CCDC171: variants seen among roughly 807,000 people sequenced by gnomAD.
CCDC171 encodes the protein coiled-coil domain containing 171.
In CCDC171, 177 loss-of-function variants were observed where a neutral mutation model predicts 168.2. The observed-to-expected ratio is 1.05, with a 90% CI of 0.93 to 1.19. The LOEUF (loss-of-function observed/expected upper bound fraction) is 1.19, where lower values mean the gene tolerates loss of function less well. Ranked by LOEUF, CCDC171 falls within the 50% of genes most tolerant of loss-of-function variation. The pLI is 0.00. For missense variants in CCDC171, 1,991 were observed against 1,539.0 expected, an observed-to-expected ratio of 1.29 and a Z score of -4.91; for synonymous variants, 687 against 540.8, an observed-to-expected ratio of 1.27 and a Z score of -3.75.
At chr9:16,075,317 A>C in the CCDC171 span, among the ~76,000 whole-genome samples, 1 of 152,100 alleles carries the variant, frequency 6.6e-6, no homozygotes, top group Non-Finnish European at 1.5e-5. Flanking sequence ...TTTTCTTGTA[A>C]TTAAAATCAC....
chr9:15,625,205 T>A (rs1443678078), intron 7 of CCDC171, among the ~76,000 whole-genome samples: 2 of 152,214 alleles, frequency 1.3e-5, no homozygotes, highest in South Asian at 2.1e-4. Flanking sequence ...CTTTGTAGAT[T>A]CTGGATATTA....
At chr9:15,782,396 A>T (rs1482304909) in intron 20 of CCDC171, among the ~76,000 whole-genome samples, 1 of 152,080 alleles carries the variant, frequency 6.6e-6, no homozygotes, top group East Asian at 1.9e-4. Context: ...GCTTGATTTT[A>T]TTTACTTTAC....
At chr9:15,736,099 G>T (rs1195193668) in intron 16 of CCDC171, among the ~76,000 whole-genome samples, 7 of 152,052 alleles carry the variant, frequency 4.6e-5, no homozygotes, top group African/African-American at 1.7e-4. Context: ...TACTTGTGTA[G>T]TAAGGAAGTT....
At chr9:15,776,035 G>A (rs1360761660) in intron 18 of CCDC171, 1 of 152,142 alleles carries the variant, frequency 6.6e-6, no homozygotes, top group African/African-American at 2.4e-5. Flanking sequence ...TCATTCAACA[G>A]TGGCCTATTT....
At chr9:15,906,077 C>T (rs1200038474) in intron 24 of CCDC171, among the ~76,000 whole-genome samples, 9 of 152,270 alleles carry the variant, frequency 5.9e-5, no homozygotes, top group South Asian at 2.1e-4. Flanking sequence ...GATTCACAGC[C>T]GAATTCTACC....
the CCDC171 span, among the ~76,000 whole-genome samples, chr9:16,101,500 T>C: frequency 6.6e-5 from 10 of 152,256 alleles, no homozygotes; most frequent in Non-Finnish European, 1.3e-4. Context: ...CCTGTGATTA[T>C]GTTACACTAC....
At chr9:15,938,326 A>G (rs934060398) in intron 25 of CCDC171, among the ~76,000 whole-genome samples, 3 of 151,860 alleles carry the variant, frequency 2.0e-5, no homozygotes, top group African/African-American at 7.2e-5. Flanking sequence ...GTGGGGAAAA[A>G]TTAAGAATGA....
rs564455641 is a variant in CCDC171, at chr9:15,623,825, G to A, written c.822+412G>A. On this transcript the variant is annotated intron_variant, in intron 7 of 25. Transcript: ENST00000380701. ...AATTTTGTAGTTTGAATCATGTATGGTTTTGTGGAATGCTTTTCAGATGAG... is the reference window on the plus strand; with the variant it reads ...AATTTTGTAGTTTGAATCATGTATGATTTTGTGGAATGCTTTTCAGATGAG... Among the ~76,000 whole-genome samples, 4 of 152,262 alleles carry A rather than the reference G, an allele frequency of 2.6e-5. No individual in the cohort carries two copies. In the East Asian group the frequency reaches 7.7e-4, roughly 29 times the overall value.
intron 23 of CCDC171, among the ~76,000 whole-genome samples, chr9:15,863,356 A>G (rs1435460466): frequency 2.0e-5 from 3 of 151,954 alleles, no homozygotes; most frequent in Non-Finnish European, 2.9e-5. Context: ...TTGAATTTCC[A>G]TAAAGGGAAT....
intron 9 of CCDC171, among the ~76,000 whole-genome samples, chr9:15,676,908 T>C (rs1587903622): frequency 6.6e-6 from 1 of 152,176 alleles, no homozygotes; most frequent in Non-Finnish European, 1.5e-5. Flanking sequence ...TAGGTGATTA[T>C]ATATGAAATG....
rs369103439 is a variant in CCDC171, at chr9:15,627,038, G to C, written c.822+3625G>C. 2.0e-5 allele frequency among the ~76,000 whole-genome samples: 3 copies of C among 152,190 alleles called. No homozygotes were observed. The East Asian group carries it at 5.8e-4, about 29-fold the overall frequency. Reference sequence around the variant, plus strand: ...TGGGATTCAACTTCTTCCTGGTTTAGTCTTGGGAGGGTGTATGTGTCGAGG... The same window carrying C: ...TGGGATTCAACTTCTTCCTGGTTTACTCTTGGGAGGGTGTATGTGTCGAGG... On this transcript the variant is annotated intron_variant, in intron 7 of 25. Coordinates refer to ENST00000380701, the MANE Select transcript of CCDC171 (RefSeq NM_173550.4).
Position 15,964,320 on chromosome 9 carries a change from A to G in CCDC171, c.3754-7289A>G, listed in dbSNP as rs1228273176. 2.0e-5 allele frequency among the ~76,000 whole-genome samples: 3 copies of G among 152,106 alleles called. No homozygotes were observed. The South Asian group carries it at 6.2e-4, about 32-fold the overall frequency. The stretch of plus-strand genomic sequence containing the variant: ...TCTATGTGTTGCACATATTTTTACC[A>G]GTTTGTCATTTCAGACTTTCAGTGG... On this transcript the variant is annotated intron_variant, in intron 25 of 25. Transcript: ENST00000380701.
At chr9:15,949,188 G>C (rs2132429385) in intron 25 of CCDC171, among the ~76,000 whole-genome samples, 1 of 152,174 alleles carries the variant, frequency 6.6e-6, no homozygotes, top group African/African-American at 2.4e-5. Context: ...CTATATCTCA[G>C]TTTTGGTACC....
chr9:15,966,959 G>A (rs929155272), intron 25 of CCDC171, among the ~76,000 whole-genome samples: 1 of 152,004 alleles, frequency 6.6e-6, no homozygotes, highest in Non-Finnish European at 1.5e-5. Flanking sequence ...ATGTGTGTGT[G>A]TATATTTATA....
rs570923755 is a variant in CCDC171, at chr9:15,583,476, C to T, written c.352+4453C>T. 2.4e-4 allele frequency among the ~76,000 whole-genome samples: 36 copies of T among 150,038 alleles called. 1 individual carries two copies. Among genetic ancestry groups the T allele is most frequent in the South Asian group, 1.7e-3 (8 of 4,730 alleles). On this transcript the variant is annotated intron_variant, in intron 4 of 25. Transcript: ENST00000380701. ...GAATACTACTGAGCCATAAAAAGAACGAAATAGTGGCATATGCAGCAATCT... is the reference window on the plus strand; with the variant it reads ...GAATACTACTGAGCCATAAAAAGAATGAAATAGTGGCATATGCAGCAATCT...
At chr9:15,605,918 A>G (rs1001463925) in intron 6 of CCDC171, among the ~76,000 whole-genome samples, 1 of 152,140 alleles carries the variant, frequency 6.6e-6, no homozygotes, top group Non-Finnish European at 1.5e-5. Flanking sequence ...TTTTCCTAAC[A>G]TACTGTAGCC....
intron 1 of CCDC171, among the ~76,000 whole-genome samples, chr9:15,553,961 C>T (rs1207857807): frequency 6.6e-6 from 1 of 151,570 alleles, no homozygotes; most frequent in Non-Finnish European, 1.5e-5. Flanking sequence ...CTTTTGAATA[C>T]ATGACATACC....
At chr9:15,692,986 A>T (rs1039160433) in intron 10 of CCDC171, among the ~76,000 whole-genome samples, 5 of 151,978 alleles carry the variant, frequency 3.3e-5, no homozygotes, top group African/African-American at 4.8e-5. Flanking sequence ...GAAATACAAA[A>T]ATTAGTCGGG....
chr9:15,713,985 GA>G (rs1460038463), intron 11 of CCDC171, among the ~76,000 whole-genome samples: 1 of 151,956 alleles, frequency 6.6e-6, no homozygotes, highest in African/African-American at 2.4e-5. Flanking sequence ...TAAGGGGGTA[GA>G]ATGAATAGCT....
Sources: gnomAD v4.1 joint callset for allele counts (sites outside exome capture counted in the v4.1 genomes callset) on GRCh38, gnomAD v4.1.1 for gene constraint, MANE v1.5 for transcripts, NCBI Gene and HGNC (gene_info 2026-07-23, HGNC 2026-07-21) for gene names.